LCT: variants seen among roughly 807,000 people sequenced by gnomAD.
The protein encoded by LCT is lactase.
Under a neutral mutation model 173.0 loss-of-function variants are expected in LCT, and 90 were observed. The ratio of observed to expected loss-of-function variants is 0.52; its 90% CI spans 0.44 to 0.62. LCT has a LOEUF of 0.62. Ranked by LOEUF, LCT falls within the 20% of genes least tolerant of loss-of-function variation. The pLI is 0.00. For synonymous variants in LCT, 853 were observed against 957.6 expected (o/e 0.89, Z 2.02); for missense variants, 1,864 against 2,431.4 (o/e 0.77, Z 4.91).
At position 135,788,405 on chromosome 2, in the gene LCT, CAG is replaced by C; in HGVS notation, c.5701_5702del (p.Leu1901ValfsTer9). The C allele has an allele frequency of 6.2e-7, 1 of 1,614,126 alleles. No individual in the cohort carries two copies. The highest frequency in any genetic ancestry group is 8.5e-7 in the Non-Finnish European group (1 of 1,180,016). On this transcript the variant is annotated frameshift_variant, in exon 17 of 17. Transcript: ENST00000264162. LOFTEE classifies it high-confidence loss of function. Reference protein sequence around the residue: ...VLLGVCGLAFLSYKYCKRSKQ... With the variant: ...VLLGVCGLAFXSYKYCKRSKQ... ...TAGAGCGCTTGCAGTACTTGTATGA[CAG>C]AAATGCCAAGCCACAGACTCCAAGA... is the stretch of plus-strand genomic sequence containing the variant.
At chr2:135,836,502 G>A (rs762871980) in intron 1 of LCT, 28 bp downstream of exon 1, 6 of 1,610,442 alleles carry the variant, frequency 3.7e-6, no homozygotes, top group Middle Eastern at 1.7e-4. Context: ...GTTGCCGAGG[G>A]GTCACCATCA....
At chr2:135,833,645 A>T (rs557525044) in intron 1 of LCT, among the ~76,000 whole-genome samples, 9 of 150,596 alleles carry the variant, frequency 6.0e-5, no homozygotes, top group African/African-American at 2.0e-4. Context: ...ACGGAGTTGC[A>T]CCGGGTTAGC....
In LCT at chr2:135,794,637, T is replaced by C. The variant is rs1270867352; in HGVS notation, c.5111+4A>G. 6.2e-7 allele frequency: 1 copy of C among 1,613,980 alleles called. No individual in the cohort carries two copies. The highest frequency in any genetic ancestry group is 1.1e-5 in the South Asian group (1 of 91,068). On this transcript the variant is annotated splice_donor_region_variant and intron_variant, in intron 14 of 16. Transcript: ENST00000264162. Reference sequence around the variant, plus strand: ...GGCTCCGGGCTCCCTGTTGGTGGACTTACCTGTCTGCATCAAAAGAAGAGA... The same window carrying C: ...GGCTCCGGGCTCCCTGTTGGTGGACCTACCTGTCTGCATCAAAAGAAGAGA...
In LCT at chr2:135,788,235, G is replaced by T; in HGVS notation, c.*89C>A. 2.2e-6 allele frequency: 2 copies of T among 917,590 alleles called. No homozygotes were observed. Among genetic ancestry groups the T allele is most frequent in the Non-Finnish European group, 1.8e-6 (1 of 558,514 alleles). The allele number at this position is 917,590 out of a possible 1,614,324, so 56.8% of individuals were successfully genotyped here. The stretch of plus-strand genomic sequence containing the variant: ...GACTTTATGGAGAAGTCCAGTATCA[G>T]CAGAGTCTAAGACCCTAAGGTGTTT... On this transcript the variant is annotated 3_prime_UTR_variant, in exon 17 of 17. Coordinates refer to ENST00000264162, the MANE Select transcript of LCT (RefSeq NM_002299.4).
Position 135,808,590 on chromosome 2 carries a change from T to C in LCT, c.3757A>G (p.Thr1253Ala), listed in dbSNP as rs762601547. 1 of 1,614,146 alleles carries C rather than the reference T, an allele frequency of 6.2e-7. No individual in the cohort carries two copies. The highest frequency in any genetic ancestry group is 8.5e-7 in the Non-Finnish European group (1 of 1,180,024). ...TAMNRAAPWGTRRLLNWIKEE... is the reference protein window; with the variant it reads ...TAMNRAAPWGARRLLNWIKEE... ...TTGATCCAGTTCAGCAGCCTTCGCGTCCCCCAGGGCGCAGCTCTGTTCATT... is the reference window on the plus strand; with the variant it reads ...TTGATCCAGTTCAGCAGCCTTCGCGCCCCCCAGGGCGCAGCTCTGTTCATT... Residue 1253 changes from threonine to alanine, a missense_variant, in exon 8 of 17, where the codon ACG (threonine) becomes GCG (alanine). Physicochemically the swap from Thr to Ala is moderately conservative, Grantham distance 58. This residue lies in a region of LCT where 755 missense variants were observed against 926.3 expected (regional missense o/e 0.82). Coordinates refer to ENST00000264162, the MANE Select transcript of LCT (RefSeq NM_002299.4).
In LCT at chr2:135,822,069, C is replaced by G; in HGVS notation, c.937G>C (p.Gly313Arg). ...CTCAGAAACTCATTAATATCAAACC[C>G]AATGGTGAGCACTTGGTCTTTATTT... ...AINKDQVLTI[G>R]FDINEFLSCS... Residue 313 changes from glycine (G) to arginine (R), a missense_variant, in exon 5 of 17, where the codon GGG (glycine) becomes CGG (arginine). This residue lies in a region of LCT where 412 missense variants were observed against 462.0 expected (regional missense o/e 0.89). Transcript: ENST00000264162. The G allele has an allele frequency of 2.5e-6, 4 of 1,607,492 alleles. No homozygotes were observed. The highest frequency in any genetic ancestry group is 1.7e-6 in the Non-Finnish European group (2 of 1,174,018).
intron 3 of LCT, among the ~76,000 whole-genome samples, chr2:135,826,377 T>A (rs1575347661): frequency 7.5e-6 from 1 of 134,194 alleles, no homozygotes; most frequent in African/African-American, 2.9e-5. Context: ...GCCAACATGG[T>A]GAAACACTGT....
chr2:135,816,713 C>CCTGACTTCCACCTGGCTACTCA (rs2077783484), intron 6 of LCT, among the ~76,000 whole-genome samples: 1 of 152,168 alleles, frequency 6.6e-6, no homozygotes, highest in Non-Finnish European at 1.5e-5. Flanking sequence ...GGACTCAAAT[C>CCTGACTTCCACCTGGCTACTCA]CTGACTTCCA....
intron 7 of LCT, among the ~76,000 whole-genome samples, chr2:135,811,446 TA>T (rs1305641536): frequency 6.6e-6 from 1 of 152,030 alleles, no homozygotes; most frequent in African/African-American, 2.4e-5. Flanking sequence ...CCAATTGGAA[TA>T]AAAAGACATA....
At chr2:135,820,943 C>T (rs576377754) in intron 5 of LCT, among the ~76,000 whole-genome samples, 31 of 151,746 alleles carry the variant, frequency 2.0e-4, no homozygotes, top group East Asian at 9.7e-4. Flanking sequence ...TGCAATGGCG[C>T]GATCTCAGCT....
At chr2:135,811,636 G>A (rs2077734888) in intron 7 of LCT, among the ~76,000 whole-genome samples, 1 of 151,284 alleles carries the variant, frequency 6.6e-6, no homozygotes, top group African/African-American at 2.4e-5. Flanking sequence ...AGGAGTTTGA[G>A]GCTGAAGTGA....
rs1179699526 is a variant in LCT at position 135,812,833 on chromosome 2, G to A, written c.1831C>T (p.Pro611Ser). ...LNSDWAEPLS[P>S]ERPEDLRASE... ...GCTCTCAGGTCCTCAGGCCTCTCTGGAGACAGGGGTTCTGCCCAGTCTGAG... is the reference window on the plus strand; with the variant it reads ...GCTCTCAGGTCCTCAGGCCTCTCTGAAGACAGGGGTTCTGCCCAGTCTGAG... Residue 611 changes from proline (P) to serine (S), a missense_variant, in exon 7 of 17, where the codon CCA (proline) becomes TCA (serine). By Grantham distance (74) the Pro-to-Ser change is moderately conservative. Around this residue, in one of 4 missense-constraint regions of LCT, gnomAD observed 755 missense variants for 926.3 expected, o/e 0.82. Coordinates refer to ENST00000264162, the MANE Select transcript of LCT (RefSeq NM_002299.4). The A allele has an allele frequency of 6.2e-7, 1 of 1,614,204 alleles. No individual in the cohort carries two copies. Among genetic ancestry groups the A allele is most frequent in the East Asian group, 2.2e-5 (1 of 44,880 alleles).
chr2:135,817,433 T>A lies in LCT; in HGVS notation c.1615A>T (p.Thr539Ser), dbSNP rs1325290669. 1 of 1,613,920 alleles carries A rather than the reference T, an allele frequency of 6.2e-7. No individual in the cohort carries two copies. ...CTCATCACCCACGGCTCATGGAAGG[T>A]CACCCACAGCTTCACACGGTCCCCA... Reference protein sequence around the residue: ...TFGDRVKLWVTFHEPWVMSYA... With the variant: ...TFGDRVKLWVSFHEPWVMSYA... The change falls in exon 6 of 17, where the codon ACC becomes TCC. Residue 539 changes from threonine (T) to serine (S), a missense_variant. Coordinates refer to ENST00000264162, the MANE Select transcript of LCT (RefSeq NM_002299.4).
At position 135,817,625 on chromosome 2, in the gene LCT, C is replaced by T. The variant is rs1481909137; in HGVS notation, c.1423G>A (p.Ala475Thr). Reference protein sequence around the residue: ...HGSSPSLPGVAYYNKLIDRLQ... With the variant: ...HGSSPSLPGVTYYNKLIDRLQ... Reference sequence around the variant, plus strand: ...CTGTCAATCAGCTTGTTGTAGTAGGCAACGCCTGGGAGGCTGGGGCTGCTC... The same window carrying T: ...CTGTCAATCAGCTTGTTGTAGTAGGTAACGCCTGGGAGGCTGGGGCTGCTC... Residue 475 changes from alanine to threonine, a missense_variant, in exon 6 of 17, where the codon GCC (alanine) becomes ACC (threonine). By Grantham distance (58) the Ala-to-Thr change is moderately conservative. Around this residue, in one of 4 missense-constraint regions of LCT, gnomAD observed 183 missense variants for 293.1 expected, o/e 0.62. Coordinates refer to ENST00000264162, the MANE Select transcript of LCT (RefSeq NM_002299.4). The T allele has an allele frequency of 1.2e-6, 2 of 1,614,072 alleles. No individual in the cohort carries two copies. The highest frequency in any genetic ancestry group is 3.3e-5 in the Admixed American group (2 of 60,024).
intron 6 of LCT, among the ~76,000 whole-genome samples, chr2:135,813,802 T>C (rs192292870): frequency 1.7e-4 from 26 of 152,370 alleles, no homozygotes; most frequent in Admixed American, 1.2e-3. Context: ...CTTTCTTGCT[T>C]ATTTGTTCTT....
At chr2:135,795,558 T>C (rs1303025079) in intron 13 of LCT, among the ~76,000 whole-genome samples, 3 of 151,614 alleles carry the variant, frequency 2.0e-5, no homozygotes, top group Admixed American at 2.0e-4. Context: ...TCCAAGTTTC[T>C]CTGCTCCTCT....
Position 135,800,826 on chromosome 2 carries a change from G to A in LCT, c.4664-17C>T. 1 of 1,580,642 alleles carries A rather than the reference G, an allele frequency of 6.3e-7. No individual in the cohort carries two copies. Among genetic ancestry groups the A allele is most frequent in the Non-Finnish European group, 8.7e-7 (1 of 1,149,782 alleles). On this transcript the variant is annotated splice_polypyrimidine_tract_variant and intron_variant, in intron 11 of 16. Transcript: ENST00000264162. ...TGGAGACTCCTGGAAACATACACATGGATGTCAACAGAGAATGGATAGAAT... is the reference window on the plus strand; with the variant it reads ...TGGAGACTCCTGGAAACATACACATAGATGTCAACAGAGAATGGATAGAAT...
rs1177783461 is a variant in LCT, at chr2:135,790,091, A to G, written c.5336-293T>C. 6.6e-6 allele frequency among the ~76,000 whole-genome samples: 1 copy of G among 152,236 alleles called. No individual in the cohort carries two copies. Among genetic ancestry groups the G allele is most frequent in the African/African-American group, 2.4e-5 (1 of 41,458 alleles). Reference sequence around the variant, plus strand: ...CCCTGGGTCACCTACACTTCTATCCATGATCTTGGTCAGTGCCTTAGAATG... The same window carrying G: ...CCCTGGGTCACCTACACTTCTATCCGTGATCTTGGTCAGTGCCTTAGAATG... On this transcript the variant is annotated intron_variant, in intron 15 of 16. Coordinates refer to ENST00000264162, the MANE Select transcript of LCT (RefSeq NM_002299.4). This position sits in a 1 kb window ranked among gnomAD's most constrained non-coding sequence, Gnocchi z 4.1.
rs755397536 is a variant in LCT, at chr2:135,822,033, T to G, written c.973A>C (p.Ser325Arg). The G allele has an allele frequency of 4.4e-6, 7 of 1,600,044 alleles. No homozygotes were observed. Among genetic ancestry groups the G allele is most frequent in the Non-Finnish European group, 6.0e-6 (7 of 1,167,276 alleles). ...DINEFLSCSS[S>R]SKKSMSCSLT... ...ACCTGACATTACCTTTTCTTGGAAC[T>G]TGATGAACAACTCAGAAACTCATTA... The change falls in exon 5 of 17, where the codon AGT becomes CGT. Residue 325 changes from serine (S) to arginine (R), a missense_variant. Physicochemically the swap from Ser to Arg is moderately radical, Grantham distance 110. Around this residue, in one of 4 missense-constraint regions of LCT, gnomAD observed 412 missense variants for 462.0 expected, o/e 0.89. Coordinates refer to ENST00000264162, the MANE Select transcript of LCT (RefSeq NM_002299.4).
Sources: allele counts gnomAD v4.1 joint callset (sites outside exome capture counted in the v4.1 genomes callset), GRCh38; gene constraint gnomAD v4.1.1; regional missense constraint gnomAD v4.1.1; non-coding constraint Gnocchi (gnomAD v3.1); transcripts MANE v1.5; gene names NCBI Gene and HGNC (gene_info 2026-07-23, HGNC 2026-07-21).